The following CHN1 variants were observed in gnomAD, a reference collection of about 807,000 sequenced individuals.
CHN1 encodes the protein chimerin 1, also known as N-chimaerin.
In CHN1, 37 loss-of-function variants were observed where a neutral mutation model predicts 59.5. The observed-to-expected ratio is 0.62, with a 90% CI of 0.48 to 0.82. The LOEUF (loss-of-function observed/expected upper bound fraction) is 0.82, where lower values mean the gene tolerates loss of function less well. Among genes scored for constraint, CHN1 ranks in the 40% least tolerant of loss-of-function variants. The pLI, the probability that CHN1 is intolerant of heterozygous loss-of-function variation, is 0.00. For missense variants in CHN1, 469 were observed against 571.0 expected (o/e 0.82, Z 1.82); for synonymous variants, 206 against 200.4 (o/e 1.03, Z -0.24).
At chr2:174,990,726 T>C (rs1422130552) in intron 1 of CHN1, among the ~76,000 whole-genome samples, 1 of 152,230 alleles carries the variant, frequency 6.6e-6, no homozygotes. Flanking sequence ...TTCCCAGGAA[T>C]ATACAATAAC....
At chr2:174,945,094 A>T (rs754636895) in intron 2 of CHN1, 151 bp from the exon 3 acceptor site, 2 of 577,524 alleles carry the variant, frequency 3.5e-6, no homozygotes, top group Non-Finnish European at 3.1e-6. Flanking sequence ...CAAAAAAAGT[A>T]AACAAAACTA....
chr2:174,922,733 G>A (rs1359826611), intron 3 of CHN1, among the ~76,000 whole-genome samples: 1 of 151,876 alleles, frequency 6.6e-6, no homozygotes, highest in Non-Finnish European at 1.5e-5. Flanking sequence ...TAAAAAAAAA[G>A]AAATATTTTA....
At chr2:174,892,599 T>C (rs1688087482) in intron 5 of CHN1, among the ~76,000 whole-genome samples, 1 of 152,196 alleles carries the variant, frequency 6.6e-6, no homozygotes, top group Non-Finnish European at 1.5e-5. Flanking sequence ...GGAAGGAATA[T>C]TTCCAAACTC....
intron 6 of CHN1, among the ~76,000 whole-genome samples, chr2:174,848,629 G>A (rs79977795): frequency 0.023 from 3,551 of 152,222 alleles, 56 homozygotes; most frequent in African/African-American, 0.044. Context: ...TATGTGCCCA[G>A]TGCATATTCT....
At chr2:174,962,823 T>C (rs1054246744) in intron 1 of CHN1, among the ~76,000 whole-genome samples, 9 of 152,070 alleles carry the variant, frequency 5.9e-5, no homozygotes, top group Admixed American at 3.3e-4. Flanking sequence ...GGCAGGAGAA[T>C]TGCTTGAACC....
intron 3 of CHN1, among the ~76,000 whole-genome samples, chr2:174,937,736 T>C (rs1689540224): frequency 6.6e-6 from 1 of 151,994 alleles, no homozygotes; most frequent in South Asian, 2.1e-4. Context: ...GAGTTCTTAC[T>C]CTCTTAGTTA....
At chr2:174,977,213 T>C (rs1352826302) in intron 1 of CHN1, among the ~76,000 whole-genome samples, 1 of 152,210 alleles carries the variant, frequency 6.6e-6, no homozygotes, top group African/African-American at 2.4e-5. Context: ...ATATGTAAAT[T>C]AGTGGACATG....
At chr2:174,881,693 T>C (rs773061330) in intron 5 of CHN1, among the ~76,000 whole-genome samples, 6 of 152,228 alleles carry the variant, frequency 3.9e-5, no homozygotes, top group Non-Finnish European at 4.4e-5. Flanking sequence ...CAACACTGGC[T>C]GTACAGGAAC....
intron 1 of CHN1, among the ~76,000 whole-genome samples, chr2:174,985,057 T>C (rs1197326066): frequency 6.6e-6 from 1 of 152,236 alleles, no homozygotes; most frequent in Non-Finnish European, 1.5e-5. Flanking sequence ...GATATGTCTT[T>C]GATACTATTT....
At chr2:174,807,967 C>G (rs1323025395) in intron 11 of CHN1, among the ~76,000 whole-genome samples, 1 of 152,154 alleles carries the variant, frequency 6.6e-6, no homozygotes, top group Admixed American at 6.5e-5. Flanking sequence ...AATGCTAATA[C>G]TTAAAACCAA....
At chr2:174,934,413 T>C (rs1407795714) in intron 3 of CHN1, among the ~76,000 whole-genome samples, 13 of 152,198 alleles carry the variant, frequency 8.5e-5, no homozygotes, top group Admixed American at 8.5e-4. Flanking sequence ...CAGGCAGTAA[T>C]GTGAGCAATG....
chr2:174,981,235 T>C (rs1691138117), intron 1 of CHN1, among the ~76,000 whole-genome samples: 1 of 152,170 alleles, frequency 6.6e-6, no homozygotes, highest in African/African-American at 2.4e-5. Context: ...ACATGTCATT[T>C]TGCAAAATGC....
chr2:174,952,478 C>T (rs1481046102), intron 1 of CHN1, among the ~76,000 whole-genome samples: 1 of 152,136 alleles, frequency 6.6e-6, no homozygotes, highest in African/African-American at 2.4e-5. Flanking sequence ...TCATTTCTTA[C>T]TATCACTGAA....
In CHN1 at chr2:174,926,810, T is replaced by C. The variant is rs535578820; in HGVS notation, c.115-8245A>G. Among the ~76,000 whole-genome samples, 16 of 151,272 alleles carry C rather than the reference T, an allele frequency of 1.1e-4. No homozygotes were observed. The South Asian group carries it at 3.1e-3, about 30-fold the overall frequency. On this transcript the variant is annotated intron_variant, in intron 3 of 12. Transcript: ENST00000409900. ...TCTTGCTCTGTTGCCCAGGGTGGAG[T>C]GCAGTGGCATGATCTCGGCTCACTG...
At position 174,800,071 on chromosome 2, in the gene CHN1, A is replaced by C; in HGVS notation, c.*45T>G. The C allele has an allele frequency of 2.1e-6, 3 of 1,424,986 alleles. No homozygotes were observed. The highest frequency in any genetic ancestry group is 2.9e-6 in the Non-Finnish European group (3 of 1,038,100). The allele number at this position is 1,424,986 out of a possible 1,614,324, so 88.3% of individuals were successfully genotyped here. The stretch of plus-strand genomic sequence containing the variant: ...GGAGCAAATTAAATTACTATAAAAC[A>C]TTCCTTCATCTGTAAAACATTTCTT... On this transcript the variant is annotated 3_prime_UTR_variant, in exon 13 of 13. Transcript: ENST00000409900.
At position 174,806,460 on chromosome 2, in the gene CHN1, G is replaced by A. The variant is rs141755976; in HGVS notation, c.1102+2445C>T. ...AAAAAAAATTTTGGAGAATATATCCGCATTAGGAAGGATCATTTAACCCTG... is the reference window on the plus strand; with the variant it reads ...AAAAAAAATTTTGGAGAATATATCCACATTAGGAAGGATCATTTAACCCTG... On this transcript the variant is annotated intron_variant, in intron 11 of 12. Coordinates refer to ENST00000409900, the MANE Select transcript of CHN1 (RefSeq NM_001822.7). 7.0e-3 allele frequency among the ~76,000 whole-genome samples: 1,066 copies of A among 152,216 alleles called. 14 individuals are homozygous for A. Among genetic ancestry groups the A allele is most frequent in the African/African-American group, 0.024 (1,012 of 41,536 alleles).
At chr2:174,809,544 A>G (rs1685007982) in intron 10 of CHN1, among the ~76,000 whole-genome samples, 3 of 152,258 alleles carry the variant, frequency 2.0e-5, no homozygotes. Flanking sequence ...AAAGAGTAAC[A>G]TGCCGGGGCT....
At chr2:174,896,355 TA>T (rs1195697353) in intron 5 of CHN1, among the ~76,000 whole-genome samples, 1 of 152,160 alleles carries the variant, frequency 6.6e-6, no homozygotes, top group Non-Finnish European at 1.5e-5. Flanking sequence ...GTTCCTATTT[TA>T]TCTCATACTG....
At chr2:174,905,845 A>G (rs2105361264) in intron 5 of CHN1, among the ~76,000 whole-genome samples, 1 of 152,312 alleles carries the variant, frequency 6.6e-6, no homozygotes, top group African/African-American at 2.4e-5. Flanking sequence ...GGTGTGAGCC[A>G]CCGCGCCCAG....
Sources: allele counts gnomAD v4.1 joint callset (sites outside exome capture counted in the v4.1 genomes callset), GRCh38; gene constraint gnomAD v4.1.1; transcripts MANE v1.5; gene names NCBI Gene and HGNC (gene_info 2026-07-23, HGNC 2026-07-21).